The following MARF1 variants were observed in gnomAD, a reference collection of about 807,000 sequenced individuals.
MARF1 encodes the protein limkain-b1.
A neutral mutation model predicts 168.2 loss-of-function variants in MARF1; 24 were observed. That is an observed-to-expected ratio of 0.14 (90% CI 0.10 to 0.20). The LOEUF (loss-of-function observed/expected upper bound fraction) is 0.20, where lower values mean the gene tolerates loss of function less well. MARF1 is among the 10% of genes least tolerant of loss of function. MARF1 has a pLI of 1.00. For synonymous variants in MARF1, 868 were observed against 822.4 expected, an observed-to-expected ratio of 1.06 and a Z score of -0.95; for missense variants, 1,744 against 2,143.6, an observed-to-expected ratio of 0.81 and a Z score of 3.68.
intron 2 of MARF1, among the ~76,000 whole-genome samples, chr16:15,638,455 A>G (rs1348581181): frequency 6.6e-6 from 1 of 152,028 alleles, no homozygotes; most frequent in East Asian, 1.9e-4. Flanking sequence ...GCATGGCAGC[A>G]CAGGCCTGTA....
In MARF1 at chr16:15,636,182, C is replaced by T. The variant is rs747255289; in HGVS notation, c.305G>A (p.Cys102Tyr). 1 of 1,614,232 alleles carries T rather than the reference C, an allele frequency of 6.2e-7. No individual in the cohort carries two copies. Among genetic ancestry groups the T allele is most frequent in the African/African-American group, 1.3e-5 (1 of 75,068 alleles). Residue 102 changes from cysteine (C) to tyrosine (Y), a missense_variant, in exon 3 of 27, where the codon TGT (cysteine) becomes TAT (tyrosine). By Grantham distance (194) the Cys-to-Tyr change is radical. Transcript: ENST00000396368. ...QLSSVPKVSC[C>Y]AHCPNEPSTS... ...GGAGGGTTCATTAGGGCAATGAGCA[C>T]AGCAGCTTACTTTGGGGACAGAAGA...
In MARF1 at chr16:15,630,417, T is replaced by G. The variant is rs773793302; in HGVS notation, c.1439A>C (p.Glu480Ala). Residue 480 changes from glutamate to alanine, a missense_variant, in exon 7 of 27, where the codon GAA (glutamate) becomes GCA (alanine). Around this residue, in one of 7 missense-constraint regions of MARF1, gnomAD observed 217 missense variants for 372.4 expected, o/e 0.58. Transcript: ENST00000396368. The stretch of plus-strand genomic sequence containing the variant: ...CTCGTTAGCATGATGCAGCAGTGCT[T>G]CTGAGGCCTGGTTTTTATGGACCAA... ...IILVHKNQAS[E>A]ALLHHANELI... is the part of the protein sequence containing the mutation. 1 of 1,614,126 alleles carries G rather than the reference T, an allele frequency of 6.2e-7. No homozygotes were observed. Among genetic ancestry groups the G allele is most frequent in the Non-Finnish European group, 8.5e-7 (1 of 1,179,990 alleles).
In MARF1 at chr16:15,598,872, G is replaced by A. The variant is rs776983879; in HGVS notation, c.4966C>T (p.Arg1656Cys). The part of the protein sequence containing the change: ...QSADLIQFEE[R>C]PQEPSEIMIL... ...CACCCACCAGAAGGCTCTTGAGGGC[G>A]CTCCTCAAACTGAATGAGATCAGCA... Residue 1656 changes from arginine to cysteine, a missense_variant, in exon 26 of 27, where the codon CGC (arginine) becomes TGC (cysteine). This residue lies in a region of MARF1 where 313 missense variants were observed against 337.4 expected (regional missense o/e 0.93). Transcript: ENST00000396368. 74 of 1,613,920 alleles carry A rather than the reference G, an allele frequency of 4.6e-5. No individual in the cohort carries two copies. The highest frequency in any genetic ancestry group is 6.1e-5 in the Non-Finnish European group (72 of 1,180,002).
rs767433648 is a variant in MARF1, at chr16:15,631,503, A to G, written c.1234-5T>C. 1.1e-5 allele frequency: 18 copies of G among 1,594,940 alleles called. No homozygotes were observed. The highest frequency in any genetic ancestry group is 2.7e-5 in the African/African-American group (2 of 74,630). On this transcript the variant is annotated splice_region_variant and splice_polypyrimidine_tract_variant and intron_variant, in intron 5 of 26. Transcript: ENST00000396368. The stretch of plus-strand genomic sequence containing the variant: ...ATTGATGTGGGCAACGGTTACCTGC[A>G]TTAATTTATAATAAGGGTGAATAAG...
chr16:15,615,640 TAAAA>T (rs1401070655), intron 16 of MARF1, among the ~76,000 whole-genome samples, 186 bp downstream of exon 16: 7 of 151,894 alleles, frequency 4.6e-5, no homozygotes, highest in Non-Finnish European at 8.8e-5. Flanking sequence ...AATAAATAAA[TAAAA>T]AATAAAACAA....
intron 16 of MARF1, among the ~76,000 whole-genome samples, chr16:15,615,000 T>C (rs1357904290): frequency 6.6e-6 from 1 of 152,050 alleles, no homozygotes; most frequent in African/African-American, 2.4e-5. Flanking sequence ...AGGCTGGTCT[T>C]GAACTCCTGA....
chr16:15,621,144 A>T (rs1476245957), intron 12 of MARF1, among the ~76,000 whole-genome samples: 2 of 152,116 alleles, frequency 1.3e-5, no homozygotes, highest in Non-Finnish European at 2.9e-5. Context: ...AGTAATAGTG[A>T]AGTACAAGTT....
chr16:15,621,629 A>G (rs1314958217), intron 12 of MARF1, 104 bp downstream of exon 12: 4 of 1,108,914 alleles, frequency 3.6e-6, no homozygotes, highest in Non-Finnish European at 1.3e-6. Flanking sequence ...ACATGCAATC[A>G]TCACAAGGGG....
At chr16:15,619,230 T>C (rs1212437193) in intron 13 of MARF1, among the ~76,000 whole-genome samples, 1 of 152,114 alleles carries the variant, frequency 6.6e-6, no homozygotes, top group African/African-American at 2.4e-5. Context: ...TGACCTAGGG[T>C]CGTGCCCCTG....
chr16:15,619,923 G>T (rs1013035022), intron 13 of MARF1, among the ~76,000 whole-genome samples: 10 of 152,190 alleles, frequency 6.6e-5, no homozygotes, highest in African/African-American at 2.4e-4. Flanking sequence ...TAGCACTTTG[G>T]GAGGCTAAAG....
At chr16:15,617,214 G>A (rs2034125447) in intron 14 of MARF1, 43 bp from the exon 15 acceptor site, 1 of 1,611,570 alleles carries the variant, frequency 6.2e-7, no homozygotes, top group African/African-American at 1.3e-5. Flanking sequence ...ATTCCGCAGG[G>A]GTCTAAGATG....
intron 13 of MARF1, among the ~76,000 whole-genome samples, chr16:15,619,026 A>G (rs1273307776): frequency 6.6e-6 from 1 of 152,238 alleles, no homozygotes; most frequent in East Asian, 1.9e-4. Flanking sequence ...CTGTAATTCC[A>G]GCACTTTGGG....
chr16:15,640,521 T>C (rs984451685), intron 1 of MARF1, among the ~76,000 whole-genome samples: 3 of 152,122 alleles, frequency 2.0e-5, no homozygotes, highest in Non-Finnish European at 4.4e-5. Context: ...CTGGGCAACA[T>C]GGCAAAACCC....
rs2034483736 is a variant in MARF1, at chr16:15,621,847, T to C, written c.2525A>G (p.Asn842Ser). 6.2e-7 allele frequency: 1 copy of C among 1,614,110 alleles called. No homozygotes were observed. Residue 842 changes from asparagine (N) to serine (S), a missense_variant, in exon 12 of 27, where the codon AAC becomes AGC. By Grantham distance (46) the Asn-to-Ser change is conservative. Transcript: ENST00000396368. ...YQLKAVVQME[N>S]LQDAIGAVNS... ...CACTGCACCGATCGCATCTTGTAAG[T>C]TTTCCATTTGCACAACAGCCTTGAG...
intron 7 of MARF1, among the ~76,000 whole-genome samples, chr16:15,628,947 G>T (rs1302021775): frequency 6.6e-6 from 1 of 151,424 alleles, no homozygotes; most frequent in African/African-American, 2.4e-5. Flanking sequence ...TAAATGGTTT[G>T]AATTATCAAA....
At chr16:15,623,225 T>TATCATTTAGGCTTTGTTTGAAA in intron 10 of MARF1, 102 bp from the exon 11 acceptor site, 1 of 759,050 alleles carries the variant, frequency 1.3e-6, no homozygotes, top group Non-Finnish European at 1.9e-6. Context: ...AAGCAGATTT[T>TATCATTTAGGCTTTGTTTGAAA]CCACAACACA....
In MARF1 at chr16:15,608,437, G is replaced by C; in HGVS notation, c.4036C>G (p.Leu1346Val). The change falls in exon 21 of 27, where the codon CTC becomes GTC. Residue 1346 changes from leucine to valine, a missense_variant. Leu to Val is a conservative substitution (Grantham distance 32). Around this residue, in one of 7 missense-constraint regions of MARF1, gnomAD observed 543 missense variants for 742.1 expected, o/e 0.73. Coordinates refer to ENST00000396368, the MANE Select transcript of MARF1 (RefSeq NM_014647.4). ...FKALAAQFVK[L>V]LRSQKDNCLM... is the part of the protein sequence containing the mutation. ...CAGTTATCTTTTTGGGACCGAAGGA[G>C]TTTAACAAACTGGGCAGCTAGAGCT... 1.2e-6 allele frequency: 2 copies of C among 1,614,166 alleles called. No homozygotes were observed. Among genetic ancestry groups the C allele is most frequent in the Non-Finnish European group, 1.7e-6 (2 of 1,179,986 alleles).
At position 15,620,476 on chromosome 16, in the gene MARF1, T is replaced by C; in HGVS notation, c.2695A>G (p.Lys899Glu). Reference protein sequence around the residue: ...DAPACCLPLFKFTDIYEKKFG... With the variant: ...DAPACCLPLFEFTDIYEKKFG... ...TTTTTTTCATAGATATCTGTAAATT[T>C]AAACAGAGGCAGGCAACAGGCAGGG... The change falls in exon 13 of 27, where the codon AAA becomes GAA. Residue 899 changes from lysine (K) to glutamate (E), a missense_variant. This residue lies in a region of MARF1 where 543 missense variants were observed against 742.1 expected (regional missense o/e 0.73). Transcript: ENST00000396368. 1 of 1,612,976 alleles carries C rather than the reference T, an allele frequency of 6.2e-7. No individual in the cohort carries two copies. The highest frequency in any genetic ancestry group is 8.5e-7 in the Non-Finnish European group (1 of 1,179,164).
Position 15,617,400 on chromosome 16 carries a change from C to A in MARF1, c.2856G>T (p.Gln952His), listed in dbSNP as rs750524877. The change falls in exon 14 of 27, where the codon CAG becomes CAT. Residue 952 changes from glutamine to histidine, a missense_variant. Gln to His is a conservative substitution (Grantham distance 24, BLOSUM62 0). This residue lies in a region of MARF1 where 543 missense variants were observed against 742.1 expected (regional missense o/e 0.73). Coordinates refer to ENST00000396368, the MANE Select transcript of MARF1 (RefSeq NM_014647.4). Reference sequence around the variant, plus strand: ...AATTCGTGGAGGAGCCGTCGTGTGACTGGGAAGACCCCAAGGGGCTCTGGC... The same window carrying A: ...AATTCGTGGAGGAGCCGTCGTGTGAATGGGAAGACCCCAAGGGGCTCTGGC... ...QARQSPLGSS[Q>H]SHDGSSTNCS... 6.2e-7 allele frequency: 1 copy of A among 1,614,044 alleles called. No homozygotes were observed. Among genetic ancestry groups the A allele is most frequent in the Non-Finnish European group, 8.5e-7 (1 of 1,180,008 alleles).
Sources: allele counts gnomAD v4.1 joint callset (sites outside exome capture counted in the v4.1 genomes callset), GRCh38; gene constraint gnomAD v4.1.1; regional missense constraint gnomAD v4.1.1; transcripts MANE v1.5; gene names NCBI Gene and HGNC (gene_info 2026-07-23, HGNC 2026-07-21).